KICS2: variants seen among roughly 807,000 people sequenced by gnomAD.
The protein encoded by KICS2 is KICSTOR complex protein C12orf66.
A neutral mutation model predicts 31.4 loss-of-function variants in KICS2; 13 were observed. That is an observed-to-expected ratio of 0.41 (90% CI 0.27 to 0.66). The LOEUF is 0.66. Among genes scored for constraint, KICS2 ranks in the 30% least tolerant of loss-of-function variants. KICS2 has a pLI of 0.28. For missense variants in KICS2, 455 were observed against 545.4 expected (o/e 0.83, Z 1.65); for synonymous variants, 209 against 214.8 (o/e 0.97, Z 0.24).
At position 64,197,587 on chromosome 12, in the gene KICS2, T is replaced by G. The variant is rs557014746; in HGVS notation, c.522-2929A>C. ...CTAACATCATAATGACAGGATCAAA[T>G]GCACACATAACAATATTAACTTTAA... On this transcript the variant is annotated intron_variant, in intron 2 of 2. Transcript: ENST00000398055. Among the ~76,000 whole-genome samples, 418 of 150,736 alleles carry G rather than the reference T, an allele frequency of 2.8e-3. 7 individuals carry two copies. The highest frequency in any genetic ancestry group is 9.9e-3 in the African/African-American group (402 of 40,696).
At chr12:64,196,464 A>G (rs911859280) in intron 2 of KICS2, among the ~76,000 whole-genome samples, 22 of 150,398 alleles carry the variant, frequency 1.5e-4, no homozygotes, top group Admixed American at 1.3e-3. Context: ...CACCATCATC[A>G]AAGACCAAAA....
At position 64,193,117 on chromosome 12, in the gene KICS2, C is replaced by A; in HGVS notation, c.*725G>T. ...AAGAAAGCCCACATGATGGCTTATG[C>A]TGACTTTACAACAGAGTGAAACATT... On this transcript the variant is annotated 3_prime_UTR_variant, in exon 3 of 3. Transcript: ENST00000398055. The A allele has an allele frequency of 1.0e-6, 1 of 985,432 alleles. No homozygotes were observed. The highest frequency in any genetic ancestry group is 1.2e-6 in the Non-Finnish European group (1 of 829,932). The allele number at this position is 985,432 out of a possible 1,614,324, so 61.0% of individuals were successfully genotyped here.
Position 64,194,359 on chromosome 12 carries a change from T to C in KICS2, c.821A>G (p.His274Arg), listed in dbSNP as rs770905074. ...MLLAKFSFYF[H>R]EALSRQTTAS... ...AGTCGTTTGTCGGCTCAGAGCCTCA[T>C]GAAAGTAAAAGCTAAACTTGGCAAG... The change falls in exon 3 of 3, where the codon CAT becomes CGT. Residue 274 changes from histidine (H) to arginine (R), a missense_variant. Physicochemically the swap from His to Arg is conservative, Grantham distance 29. Transcript: ENST00000398055. 3.1e-6 allele frequency: 5 copies of C among 1,614,130 alleles called. No individual in the cohort carries two copies. Among genetic ancestry groups the C allele is most frequent in the Non-Finnish European group, 8.5e-7 (1 of 1,180,022 alleles).
downstream of KICS2, chr12:64,187,582 T>C (rs1565711728): frequency 6.6e-7 from 1 of 1,507,776 alleles, no homozygotes; most frequent in Non-Finnish European, 8.9e-7. Flanking sequence ...TTCTGACTCA[T>C]TTCCTCTGGA....
intron 2 of KICS2, among the ~76,000 whole-genome samples, chr12:64,202,126 TGGGC>T (rs1037093543): frequency 6.6e-6 from 1 of 152,202 alleles, no homozygotes; most frequent in Non-Finnish European, 1.5e-5. Flanking sequence ...TTTTTGACGC[TGGGC>T]ACAGTGGCTT....
At chr12:64,212,813 G>A (rs2037593543) in intron 2 of KICS2, among the ~76,000 whole-genome samples, 2 of 152,086 alleles carry the variant, frequency 1.3e-5, no homozygotes, top group Non-Finnish European at 2.9e-5. Flanking sequence ...GAATAGGCTG[G>A]ACACAGTAGC....
At position 64,193,560 on chromosome 12, in the gene KICS2, C is replaced by A; in HGVS notation, c.*282G>T. Reference sequence around the variant, plus strand: ...GAAAAAAAAAAGCCCAATAAATATTCAATCTACAAGAAATATAGCAAAATA... The same window carrying A: ...GAAAAAAAAAAGCCCAATAAATATTAAATCTACAAGAAATATAGCAAAATA... On this transcript the variant is annotated 3_prime_UTR_variant, in exon 3 of 3. Transcript: ENST00000398055. The A allele has an allele frequency of 8.7e-7, 1 of 1,143,946 alleles. No individual in the cohort carries two copies. Among genetic ancestry groups the A allele is most frequent in the Non-Finnish European group, 1.1e-6 (1 of 932,312 alleles). 70.9% of individuals were successfully genotyped at this position (1,143,946 alleles called of 1,614,324 possible).
chr12:64,194,755 A>C, intron 2 of KICS2, 97 bp from the exon 3 acceptor site: 1 of 1,430,246 alleles, frequency 7.0e-7, no homozygotes, highest in Middle Eastern at 2.4e-4. Context: ...GCCAAACATA[A>C]TATTATGCTT....
At chr12:64,212,741 C>T (rs2037592970) in intron 2 of KICS2, among the ~76,000 whole-genome samples, 1 of 151,970 alleles carries the variant, frequency 6.6e-6, no homozygotes, top group South Asian at 2.1e-4. Flanking sequence ...GTTCATTATA[C>T]TATATTTGCA....
At chr12:64,194,726 A>T in intron 2 of KICS2, 68 bp from the exon 3 acceptor site, 2 of 1,493,464 alleles carry the variant, frequency 1.3e-6, no homozygotes, top group South Asian at 1.4e-5. Context: ...CATTTTTCTA[A>T]CCACAAAGCA....
At chr12:64,188,587 T>TAGAGGG (rs200517223), downstream of KICS2, among the ~76,000 whole-genome samples, 1 of 146,408 alleles carries the variant, frequency 6.8e-6, no homozygotes, top group African/African-American at 2.5e-5. Context: ...GGAAGAGAGA[T>TAGAGGG]AGAGGGAGAG....
chr12:64,216,149 CATAA>C lies in KICS2; in HGVS notation c.236-190_236-187del, dbSNP rs1348368451. ...ATAATCATAAATACTTTATGATTAT[CATAA>C]ATACTTTATGATAATCATAAATACT... On this transcript the variant is annotated intron_variant, in intron 1 of 2. Transcript: ENST00000398055. Among the ~76,000 whole-genome samples the C allele has an allele frequency of 4.1e-4, 61 of 150,458 alleles. 1 individual carries two copies. Among genetic ancestry groups the C allele is most frequent in the African/African-American group, 1.2e-4 (5 of 40,592 alleles).
At chr12:64,213,060 C>T (rs1415305706) in intron 2 of KICS2, among the ~76,000 whole-genome samples, 1 of 147,388 alleles carries the variant, frequency 6.8e-6, no homozygotes, top group Non-Finnish European at 1.5e-5. Context: ...ACTGCACTCC[C>T]GCCTGGGCAA....
At chr12:64,218,193 T>C (rs1283624326) in intron 1 of KICS2, among the ~76,000 whole-genome samples, 3 of 152,262 alleles carry the variant, frequency 2.0e-5, no homozygotes, top group Non-Finnish European at 4.4e-5. Context: ...AGTTTAGCTC[T>C]GCTGATTTTG....
intron 2 of KICS2, among the ~76,000 whole-genome samples, chr12:64,210,865 G>A (rs910157790): frequency 6.6e-6 from 1 of 152,080 alleles, no homozygotes; most frequent in African/African-American, 2.4e-5. Context: ...ACACACACGT[G>A]TATGCACACA....
downstream of KICS2, among the ~76,000 whole-genome samples, chr12:64,188,447 C>T (rs2037356326): frequency 6.6e-6 from 1 of 151,892 alleles, no homozygotes; most frequent in African/African-American, 2.4e-5. Flanking sequence ...TTGCTTGAAC[C>T]AGGAGGCAGA....
downstream of KICS2, among the ~76,000 whole-genome samples, chr12:64,190,052 G>C (rs1439917107): frequency 6.6e-6 from 1 of 152,132 alleles, no homozygotes. Flanking sequence ...AAACCACAAA[G>C]ATTCTAAAAT....
At chr12:64,189,364 C>A (rs756063258), downstream of KICS2, among the ~76,000 whole-genome samples, 28 of 152,048 alleles carry the variant, frequency 1.8e-4, 1 homozygote, top group South Asian at 4.1e-4. Flanking sequence ...CTAGGCAATG[C>A]CAGTTGTTAG....
downstream of KICS2, among the ~76,000 whole-genome samples, chr12:64,189,902 C>G (rs2037366240): frequency 6.6e-6 from 1 of 152,060 alleles, no homozygotes; most frequent in Non-Finnish European, 1.5e-5. Flanking sequence ...GGAAGAAAAT[C>G]ACAAATCCAC....
Sources: gnomAD v4.1 joint callset for allele counts (sites outside exome capture counted in the v4.1 genomes callset) on GRCh38, gnomAD v4.1.1 for gene constraint, MANE v1.5 for transcripts, NCBI Gene and HGNC (gene_info 2026-07-23, HGNC 2026-07-21) for gene names.